CCDC3: variants seen among roughly 807,000 people sequenced by gnomAD.
CCDC3 encodes coiled-coil domain containing 3.
A neutral mutation model predicts 21.4 loss-of-function variants in CCDC3; 24 were observed. The observed-to-expected ratio is 1.12, with a 90% CI of 0.81 to 1.58. The LOEUF is 1.58. CCDC3 is among the 40% of genes most tolerant of loss of function. CCDC3 has a pLI of 0.00. For missense variants in CCDC3, 425 were observed against 360.9 expected (o/e 1.18, Z -1.44); for synonymous variants, 186 against 166.0 (o/e 1.12, Z -0.93).
chr10:13,049,161 G>A (rs1836570647), intron 5 of CCDC3, among the ~76,000 whole-genome samples: 1 of 152,140 alleles, frequency 6.6e-6, no homozygotes, highest in Admixed American at 6.5e-5. Context: ...CAAGAAGACT[G>A]CACATTAGAG....
At chr10:13,020,897 GAATA>G (rs1378799897) in intron 5 of CCDC3, among the ~76,000 whole-genome samples, 3 of 152,082 alleles carry the variant, frequency 2.0e-5, no homozygotes, top group Admixed American at 1.3e-4. Flanking sequence ...AAACAATAAT[GAATA>G]AATAAATATG....
intron 2 of CCDC3, among the ~76,000 whole-genome samples, chr10:12,922,225 T>A (rs1334002054): frequency 6.6e-6 from 1 of 152,228 alleles, no homozygotes; most frequent in East Asian, 1.9e-4. Context: ...GCCGTGTTTG[T>A]GAATCCAGTC....
At chr10:12,964,333 T>C (rs945798857) in intron 2 of CCDC3, among the ~76,000 whole-genome samples, 19 of 151,110 alleles carry the variant, frequency 1.3e-4, no homozygotes, top group African/African-American at 4.1e-4. Context: ...GATTACACCA[T>C]TGCACTCCAG....
intron 3 of CCDC3, among the ~76,000 whole-genome samples, chr10:13,094,923 C>T (rs1160382629): frequency 6.6e-6 from 1 of 152,028 alleles, no homozygotes; most frequent in Non-Finnish European, 1.5e-5. Flanking sequence ...AGCACACACA[C>T]CGTGAACAGG....
intron 2 of CCDC3, among the ~76,000 whole-genome samples, chr10:12,994,402 ACAAAACAAAAC>A (rs1835727208): frequency 7.4e-6 from 1 of 134,236 alleles, no homozygotes; most frequent in African/African-American, 2.8e-5. Flanking sequence ...CGTCTCAAAA[ACAAAACAAAAC>A]AAAAAAAAAA....
intron 2 of CCDC3, among the ~76,000 whole-genome samples, chr10:12,904,697 TTCCTGGTTTC>T (rs1016304989): frequency 1.7e-4 from 26 of 152,196 alleles, no homozygotes; most frequent in Admixed American, 9.2e-4. Context: ...TCCTATAAGT[TTCCTGGTTTC>T]TCCGGGAAGC....
At chr10:12,988,355 T>A (rs1366939039) in intron 2 of CCDC3, among the ~76,000 whole-genome samples, 1 of 151,362 alleles carries the variant, frequency 6.6e-6, no homozygotes, top group Non-Finnish European at 1.5e-5. Flanking sequence ...CCTATTACCT[T>A]TTTTTTTTGA....
At chr10:12,925,707 A>G (rs1416541181) in intron 2 of CCDC3, among the ~76,000 whole-genome samples, 2 of 135,842 alleles carry the variant, frequency 1.5e-5, no homozygotes, top group African/African-American at 5.3e-5. Flanking sequence ...GCACACAGCC[A>G]TTGTATCTTC....
intron 5 of CCDC3, among the ~76,000 whole-genome samples, chr10:13,022,599 C>T (rs1289672418): frequency 6.6e-6 from 1 of 152,100 alleles, no homozygotes; most frequent in East Asian, 1.9e-4. Context: ...ATGGCAAAAA[C>T]TGCAATTTCT....
At chr10:12,936,654 A>G (rs2131233234) in intron 2 of CCDC3, among the ~76,000 whole-genome samples, 1 of 152,368 alleles carries the variant, frequency 6.6e-6, no homozygotes, top group South Asian at 2.1e-4. Flanking sequence ...CCTAAGACCA[A>G]GCACAGAGGC....
At chr10:13,025,004 A>G (rs911225074) in intron 5 of CCDC3, among the ~76,000 whole-genome samples, 22 of 152,332 alleles carry the variant, frequency 1.4e-4, no homozygotes, top group Admixed American at 1.2e-3. Context: ...ACTTTCAGGT[A>G]ACAATTTATA....
intron 3 of CCDC3, among the ~76,000 whole-genome samples, chr10:13,075,841 G>C (rs1465473455): frequency 1.3e-5 from 2 of 152,026 alleles, no homozygotes; most frequent in Non-Finnish European, 2.9e-5. Context: ...TTGAGGTCAG[G>C]AGTTTGAGAC....
intron 2 of CCDC3, among the ~76,000 whole-genome samples, chr10:12,958,577 G>A (rs909869034): frequency 2.0e-5 from 3 of 152,188 alleles, no homozygotes; most frequent in African/African-American, 7.2e-5. Flanking sequence ...GAGCAGGCCT[G>A]GTCTTGACTC....
chr10:13,086,224 C>A (rs1391360303), intron 3 of CCDC3, among the ~76,000 whole-genome samples: 1 of 152,044 alleles, frequency 6.6e-6, no homozygotes. Context: ...AATCAAGTAG[C>A]TTTTACTTGG....
At chr10:12,948,727 A>AGT (rs1834961213) in intron 2 of CCDC3, among the ~76,000 whole-genome samples, 1 of 29,340 alleles carries the variant, frequency 3.4e-5, no homozygotes, top group Non-Finnish European at 6.2e-5. Context: ...TTTTTAAGGC[A>AGT]GTTTTTTTTT....
At chr10:12,973,175 C>T (rs1469123164) in intron 2 of CCDC3, among the ~76,000 whole-genome samples, 1 of 152,190 alleles carries the variant, frequency 6.6e-6, no homozygotes. Flanking sequence ...GACCTGAGGG[C>T]TCTACTGTCA....
chr10:12,962,371 G>A (rs968322867), intron 2 of CCDC3, among the ~76,000 whole-genome samples: 16 of 152,298 alleles, frequency 1.1e-4, no homozygotes, highest in African/African-American at 2.9e-4. Flanking sequence ...TTGGGAGGCC[G>A]AGGCAGGCGG....
chr10:13,054,196 A>G (rs1198298559), intron 4 of CCDC3, among the ~76,000 whole-genome samples: 2 of 148,860 alleles, frequency 1.3e-5, no homozygotes, highest in Non-Finnish European at 3.0e-5. Flanking sequence ...CAAGGGGCAC[A>G]CCTCACCTGG....
chr10:13,091,291 C>T (rs891581927), intron 3 of CCDC3, among the ~76,000 whole-genome samples: 2 of 152,158 alleles, frequency 1.3e-5, no homozygotes, highest in Non-Finnish European at 2.9e-5. Flanking sequence ...TATTAGCCAT[C>T]ACAGGAGGTG....
Sources: allele counts gnomAD v4.1 joint callset (sites outside exome capture counted in the v4.1 genomes callset), GRCh38; gene constraint gnomAD v4.1.1; transcripts MANE v1.5; gene names NCBI Gene and HGNC (gene_info 2026-07-23, HGNC 2026-07-21).